KDM4C: variants seen among roughly 807,000 people sequenced by gnomAD.
The protein encoded by KDM4C is lysine-specific demethylase 4C.
Under a neutral mutation model 129.3 loss-of-function variants are expected in KDM4C, and 81 were observed. The observed-to-expected ratio is 0.63, with a 90% CI of 0.52 to 0.75. KDM4C has a LOEUF of 0.75. KDM4C is among the 30% of genes least tolerant of loss of function. The pLI is 0.00. For synonymous variants in KDM4C, 573 were observed against 456.1 expected (o/e 1.26, Z -3.26); for missense variants, 1,457 against 1,304.0 (o/e 1.12, Z -1.81).
At chr9:6,728,111 A>C (rs1240815021) in intron 1 of KDM4C, among the ~76,000 whole-genome samples, 1 of 150,518 alleles carries the variant, frequency 6.6e-6, no homozygotes, top group Non-Finnish European at 1.5e-5. Context: ...TACACTTGTA[A>C]TTTTATGAAT....
In KDM4C at chr9:6,984,339, A is replaced by T; in HGVS notation, c.1289A>T (p.Glu430Val). Residue 430 changes from glutamate (E) to valine (V), a missense_variant, in exon 10 of 22, where the codon GAA becomes GTA. By Grantham distance (121) the Glu-to-Val change is moderately radical. Coordinates refer to ENST00000381309, the MANE Select transcript of KDM4C (RefSeq NM_015061.6). ...CTGAGGAACACAGAAGCATCTTCAGAAGAAGAGTCATCTGCTAGCAGGATG... is the reference window on the plus strand; with the variant it reads ...CTGAGGAACACAGAAGCATCTTCAGTAGAAGAGTCATCTGCTAGCAGGATG... ...VKLRNTEASS[E>V]EESSASRMQV... The T allele has an allele frequency of 6.2e-7, 1 of 1,614,066 alleles. No individual in the cohort carries two copies. The highest frequency in any genetic ancestry group is 8.5e-7 in the Non-Finnish European group (1 of 1,179,932).
chr9:6,940,014 CTT>C (rs1563850071), intron 8 of KDM4C, among the ~76,000 whole-genome samples: 8 of 132,012 alleles, frequency 6.1e-5, no homozygotes, highest in African/African-American at 2.3e-4. Flanking sequence ...TCCTTCCTTC[CTT>C]CCTTCCTTCC....
chr9:7,126,436 G>A (rs1840031307), intron 18 of KDM4C, among the ~76,000 whole-genome samples: 1 of 152,136 alleles, frequency 6.6e-6, no homozygotes, highest in East Asian at 1.9e-4. Context: ...TTTAGGGATT[G>A]AGCAAATGAG....
At chr9:7,010,772 A>G (rs1250178831) in intron 12 of KDM4C, among the ~76,000 whole-genome samples, 4 of 152,156 alleles carry the variant, frequency 2.6e-5, no homozygotes, top group African/African-American at 9.7e-5. Context: ...GACCAGGCTC[A>G]GTGGTTCATG....
intron 8 of KDM4C, among the ~76,000 whole-genome samples, chr9:6,958,107 C>T (rs1416702550): frequency 2.7e-4 from 39 of 144,010 alleles, no homozygotes; most frequent in East Asian, 6.1e-4. Flanking sequence ...TTAATAATTG[C>T]TTGTAGATAC....
chr9:6,818,454 G>GATTT (rs1236560026), intron 4 of KDM4C, among the ~76,000 whole-genome samples: 1 of 152,236 alleles, frequency 6.6e-6, no homozygotes, highest in Admixed American at 6.5e-5. Context: ...GCACATGTGT[G>GATTT]ATAAAGGTGA....
chr9:6,923,727 T>TGTGGAAGAAG (rs1689192659), intron 8 of KDM4C, among the ~76,000 whole-genome samples: 1 of 152,224 alleles, frequency 6.6e-6, no homozygotes, highest in South Asian at 2.1e-4. Context: ...AATGGCTCTT[T>TGTGGAAGAAG]ATCTTGTTTT....
intron 8 of KDM4C, among the ~76,000 whole-genome samples, chr9:6,926,136 C>A (rs2131257883): frequency 6.6e-6 from 1 of 152,034 alleles, no homozygotes; most frequent in East Asian, 1.9e-4. Flanking sequence ...GGACCGGGTG[C>A]CTTCTCTTTG....
intron 4 of KDM4C, among the ~76,000 whole-genome samples, chr9:6,836,200 C>T (rs1003999961): frequency 1.3e-5 from 2 of 152,032 alleles, no homozygotes; most frequent in African/African-American, 4.8e-5. Flanking sequence ...GCCTGTAATC[C>T]CAACACTTTG....
intron 8 of KDM4C, chr9:6,947,906 T>A (rs895036734): frequency 6.6e-6 from 1 of 152,140 alleles, no homozygotes; most frequent in Non-Finnish European, 1.5e-5. Flanking sequence ...TTATAACCAT[T>A]TGCATTTTTG....
rs569819173 is a variant in KDM4C at position 6,968,269 on chromosome 9, AT to A, written c.922-12652del. Among the ~76,000 whole-genome samples the A allele has an allele frequency of 2.9e-4, 44 of 152,278 alleles. 1 individual carries two copies. The South Asian group carries it at 8.1e-3, about 28-fold the overall frequency. On this transcript the variant is annotated intron_variant, in intron 8 of 21. Coordinates refer to ENST00000381309, the MANE Select transcript of KDM4C (RefSeq NM_015061.6). Reference sequence around the variant, plus strand: ...AGTGGGAGATTCACTTGAGATCAGGATTTTGAGACCAGCCTGGGTAACATAG... The same window carrying A: ...AGTGGGAGATTCACTTGAGATCAGGATTTGAGACCAGCCTGGGTAACATAG...
intron 8 of KDM4C, among the ~76,000 whole-genome samples, chr9:6,944,440 G>T (rs1826506430): frequency 6.6e-6 from 1 of 152,222 alleles, no homozygotes; most frequent in East Asian, 1.9e-4. Flanking sequence ...ATGTCTTTTG[G>T]TGACTCATTA....
intron 8 of KDM4C, among the ~76,000 whole-genome samples, chr9:6,910,767 G>C (rs1819153744): frequency 6.6e-6 from 1 of 152,212 alleles, no homozygotes; most frequent in South Asian, 2.1e-4. Flanking sequence ...TATTTGGATA[G>C]TCTTCACAGT....
intron 20 of KDM4C, among the ~76,000 whole-genome samples, chr9:7,168,527 A>C (rs923259188): frequency 4.6e-5 from 7 of 152,196 alleles, no homozygotes; most frequent in African/African-American, 1.4e-4. Context: ...AATCTTTTAA[A>C]ATGTTAAAAA....
chr9:6,750,208 A>C (rs1409828271), intron 1 of KDM4C, among the ~76,000 whole-genome samples: 1 of 152,022 alleles, frequency 6.6e-6, no homozygotes, highest in Non-Finnish European at 1.5e-5. Flanking sequence ...TGGGAGGCTG[A>C]GGTGGGCGGA....
chr9:6,804,742 A>T (rs1829652952), intron 2 of KDM4C, among the ~76,000 whole-genome samples: 1 of 149,240 alleles, frequency 6.7e-6, no homozygotes, highest in Non-Finnish European at 1.5e-5. Flanking sequence ...CGAGTAACAG[A>T]GTGAGACTCC....
intron 8 of KDM4C, among the ~76,000 whole-genome samples, chr9:6,909,563 A>G (rs1171053725): frequency 6.6e-6 from 1 of 152,214 alleles, no homozygotes; most frequent in Admixed American, 6.5e-5. Context: ...GATTTCTTGT[A>G]TTAAATGCTG....
At chr9:7,124,138 G>A (rs765666336) in intron 18 of KDM4C, among the ~76,000 whole-genome samples, 9 of 152,144 alleles carry the variant, frequency 5.9e-5, no homozygotes, top group Non-Finnish European at 1.0e-4. Flanking sequence ...GCTGACGAGG[G>A]TTATGTAACA....
At chr9:7,174,518 G>A (rs755427205) in intron 21 of KDM4C, 35 bp from the exon 22 acceptor site, 38 of 1,601,922 alleles carry the variant, frequency 2.4e-5, no homozygotes, top group African/African-American at 1.9e-4. Context: ...ATCAAATGCC[G>A]TGCCCTTTTG....
Sources: allele counts gnomAD v4.1 joint callset (sites outside exome capture counted in the v4.1 genomes callset), GRCh38; gene constraint gnomAD v4.1.1; transcripts MANE v1.5; gene names NCBI Gene and HGNC (gene_info 2026-07-23, HGNC 2026-07-21).